NRXN3: variants seen among roughly 807,000 people sequenced by gnomAD.
The protein encoded by NRXN3 is neurexin 3, also known as neurexin III.
NRXN3 carries 32 observed loss-of-function variants against 137.6 expected under a neutral mutation model. That is an observed-to-expected ratio of 0.23 (90% CI 0.18 to 0.31). The LOEUF (loss-of-function observed/expected upper bound fraction) is 0.31, where lower values mean the gene tolerates loss of function less well. NRXN3 is among the 10% of genes least tolerant of loss of function. The pLI is 1.00. For missense variants in NRXN3, 1,574 were observed against 2,062.5 expected (o/e 0.76, Z 4.59); for synonymous variants, 798 against 784.5 (o/e 1.02, Z -0.29).
chr14:78,577,835 C>G (rs984368871), intron 4 of NRXN3, among the ~76,000 whole-genome samples: 7 of 152,148 alleles, frequency 4.6e-5, no homozygotes, highest in African/African-American at 1.4e-4. Flanking sequence ...CTGACTAATG[C>G]CCAGTTCTGC....
At chr14:79,811,581 CTTTTTTTTTTTTT>C (rs370942970) in intron 20 of NRXN3, among the ~76,000 whole-genome samples, 1 of 116,612 alleles carries the variant, frequency 8.6e-6, no homozygotes, top group East Asian at 2.4e-4. Flanking sequence ...TTTCTTTTTT[CTTTTTTTTTTTTT>C]TTTTTGAGAT....
chr14:79,814,469 G>C (rs1386744487), intron 20 of NRXN3, among the ~76,000 whole-genome samples: 1 of 152,160 alleles, frequency 6.6e-6, no homozygotes, highest in African/African-American at 2.4e-5. Context: ...CTGATCACTG[G>C]TTTGCATCTG....
chr14:79,378,613 G>C (rs2094375929), intron 15 of NRXN3, among the ~76,000 whole-genome samples: 1 of 152,182 alleles, frequency 6.6e-6, no homozygotes, highest in Non-Finnish European at 1.5e-5. Context: ...TGTTAAGTTA[G>C]TTTACGTGTC....
chr14:79,581,390 A>G (rs541151727), intron 16 of NRXN3, among the ~76,000 whole-genome samples: 1 of 152,274 alleles, frequency 6.6e-6, no homozygotes, highest in East Asian at 1.9e-4. Context: ...TTTCTTGGTT[A>G]CCTGTTTTAA....
intron 15 of NRXN3, among the ~76,000 whole-genome samples, chr14:79,149,540 T>C (rs2059613085): frequency 6.6e-6 from 1 of 152,064 alleles, no homozygotes; most frequent in South Asian, 2.1e-4. Flanking sequence ...CATTCTGTTA[T>C]AAAGAGACAT....
At chr14:79,111,600 G>A (rs148625441) in intron 15 of NRXN3, among the ~76,000 whole-genome samples, 2,013 of 152,102 alleles carry the variant, frequency 0.013, 41 homozygotes, top group African/African-American at 0.045. Context: ...TTAGCCAGGC[G>A]TGGTGATGCA....
intron 3 of NRXN3, among the ~76,000 whole-genome samples, chr14:78,290,657 A>C (rs527929077): frequency 6.6e-6 from 1 of 152,204 alleles, no homozygotes; most frequent in East Asian, 1.9e-4. Context: ...AGGGGGACTT[A>C]GGTAGAAGGT....
intron 15 of NRXN3, among the ~76,000 whole-genome samples, chr14:79,320,791 C>T (rs769248883): frequency 4.6e-5 from 7 of 151,530 alleles, no homozygotes; most frequent in Non-Finnish European, 1.0e-4. Flanking sequence ...GGAAAACCAA[C>T]AAAACGTGTC....
chr14:79,571,767 G>C (rs2153798397), intron 16 of NRXN3, among the ~76,000 whole-genome samples: 2 of 152,240 alleles, frequency 1.3e-5, no homozygotes, highest in South Asian at 4.2e-4. Flanking sequence ...GTTCAAGTCT[G>C]TAGTAGAAAA....
chr14:79,838,544 T>C (rs1288079513), intron 20 of NRXN3, among the ~76,000 whole-genome samples: 5 of 152,218 alleles, frequency 3.3e-5, no homozygotes, highest in African/African-American at 7.2e-5. Context: ...GCACAAGCAA[T>C]ATGTCAGCAC....
intron 1 of NRXN3, among the ~76,000 whole-genome samples, chr14:78,180,496 C>G (rs1566914371): frequency 6.6e-6 from 1 of 152,186 alleles, no homozygotes; most frequent in Non-Finnish European, 1.5e-5. Context: ...GGCAATCATT[C>G]TCGTTGTACA....
At chr14:79,292,734 T>C (rs1268161819) in intron 15 of NRXN3, among the ~76,000 whole-genome samples, 1 of 152,196 alleles carries the variant, frequency 6.6e-6, no homozygotes, top group Non-Finnish European at 1.5e-5. Flanking sequence ...CTTGAGTGAA[T>C]ATGTGTGTGT....
chr14:78,969,287 C>T (rs1409192583), intron 14 of NRXN3, among the ~76,000 whole-genome samples: 1 of 152,144 alleles, frequency 6.6e-6, no homozygotes, highest in Non-Finnish European at 1.5e-5. Context: ...CAATTCTTTG[C>T]AGTGTAAACA....
intron 4 of NRXN3, among the ~76,000 whole-genome samples, chr14:78,597,687 T>C (rs2097169127): frequency 6.6e-6 from 1 of 152,222 alleles, no homozygotes; most frequent in Non-Finnish European, 1.5e-5. Context: ...GATTATGGAC[T>C]GGGGATGGCT....
intron 8 of NRXN3, among the ~76,000 whole-genome samples, chr14:78,800,119 C>G (rs1262959618): frequency 6.6e-6 from 1 of 152,084 alleles, no homozygotes; most frequent in East Asian, 1.9e-4. Context: ...CAAGAACTTC[C>G]ATCATGAAGC....
At chr14:79,367,611 A>G (rs1233385801) in intron 15 of NRXN3, among the ~76,000 whole-genome samples, 4 of 152,230 alleles carry the variant, frequency 2.6e-5, no homozygotes, top group Admixed American at 1.3e-4. Context: ...ATGTTAATTC[A>G]TGTCAGACAC....
intron 4 of NRXN3, among the ~76,000 whole-genome samples, chr14:78,399,361 TG>T (rs2091827228): frequency 6.6e-6 from 1 of 152,200 alleles, no homozygotes; most frequent in Non-Finnish European, 1.5e-5. Flanking sequence ...GAAACAAGCA[TG>T]TATACTCTAT....
At chr14:78,729,816 G>A (rs529353966) in intron 8 of NRXN3, among the ~76,000 whole-genome samples, 6 of 152,262 alleles carry the variant, frequency 3.9e-5, no homozygotes, top group East Asian at 3.9e-4. Context: ...GGGAGCCATC[G>A]GCTATGTATC....
intron 1 of NRXN3, among the ~76,000 whole-genome samples, chr14:78,207,092 G>T (rs1301853460): frequency 6.6e-6 from 1 of 152,086 alleles, no homozygotes; most frequent in Non-Finnish European, 1.5e-5. Context: ...TCGAACTCCT[G>T]ACCTCAAGTG....
Sources: gnomAD v4.1 joint callset for allele counts (sites outside exome capture counted in the v4.1 genomes callset) on GRCh38, gnomAD v4.1.1 for gene constraint, MANE v1.5 for transcripts, NCBI Gene and HGNC (gene_info 2026-07-23, HGNC 2026-07-21) for gene names.